CFAP70: variants seen among roughly 807,000 people sequenced by gnomAD.
The protein encoded by CFAP70 is cilia and flagella associated protein 70, also known as cilia- and flagella-associated protein 70.
Under a neutral mutation model 137.6 loss-of-function variants are expected in CFAP70, and 81 were observed. The ratio of observed to expected loss-of-function variants is 0.59; its 90% confidence interval spans 0.49 to 0.71. The LOEUF (loss-of-function observed/expected upper bound fraction) is 0.71, where lower values mean the gene tolerates loss of function less well. CFAP70 is among the 30% of genes least tolerant of loss of function. The pLI, the probability that CFAP70 is intolerant of heterozygous loss-of-function variation, is 0.00. For synonymous variants in CFAP70, 382 were observed against 423.6 expected (o/e 0.90, Z 1.20); for missense variants, 976 against 1,226.7 (o/e 0.80, Z 3.05).
intron 19 of CFAP70, among the ~76,000 whole-genome samples, chr10:73,285,889 C>A (rs1443289332): frequency 6.6e-6 from 1 of 152,054 alleles, no homozygotes; most frequent in African/African-American, 2.4e-5. Flanking sequence ...CCCATCTCAG[C>A]CTCCGAAAGT....
chr10:73,352,935 T>C (rs528304422), intron 3 of CFAP70, among the ~76,000 whole-genome samples: 40 of 152,336 alleles, frequency 2.6e-4, no homozygotes, highest in African/African-American at 9.1e-4. Flanking sequence ...GCTTTTTGGC[T>C]TTTTGTTATT....
At chr10:73,253,765 T>G, downstream of CFAP70, 1 of 468,696 alleles carries the variant, frequency 2.1e-6, no homozygotes, top group East Asian at 3.1e-5. Flanking sequence ...TGATGAATTT[T>G]GAGTTTCATA....
intron 19 of CFAP70, among the ~76,000 whole-genome samples, chr10:73,283,767 G>A (rs2047440152): frequency 6.6e-6 from 1 of 152,076 alleles, no homozygotes; most frequent in African/African-American, 2.4e-5. Flanking sequence ...ATGTTGTCCA[G>A]AGTGGTCTCA....
Position 73,290,044 on chromosome 10 carries a change from C to CAAAAAAAAAAAAAAAA in CFAP70, c.2239+1166_2239+1181dup, listed in dbSNP as rs397847750. 2.0e-3 allele frequency among the ~76,000 whole-genome samples: 141 copies of CAAAAAAAAAAAAAAAA among 72,042 alleles called. 1 individual carries two copies. Among genetic ancestry groups the CAAAAAAAAAAAAAAAA allele is most frequent in the East Asian group, 5.9e-3 (12 of 2,028 alleles). 47.3% of individuals were successfully genotyped at this position (72,042 alleles called of 152,430 possible). The stretch of plus-strand genomic sequence containing the variant: ...TGGGTGACAGAGCAAGACTCCATCT[C>CAAAAAAAAAAAAAAAA]AAAAAAAAAAAAAAAAGACTTGTAG... On this transcript the variant is annotated intron_variant, in intron 19 of 26. Coordinates refer to ENST00000310715, the Ensembl canonical transcript of CFAP70.
rs1402987183 is a variant in CFAP70, at chr10:73,254,064, A to G, written c.3076-9T>C. The G allele has an allele frequency of 6.3e-7, 1 of 1,586,598 alleles. No individual in the cohort carries two copies. Among genetic ancestry groups the G allele is most frequent in the South Asian group, 1.1e-5 (1 of 88,614 alleles). Reference sequence around the variant, plus strand: ...TCATCTTTCAATTTCAGCTACATGAAAGAGGAAGAAAGGGAAAGATATATG... The same window carrying G: ...TCATCTTTCAATTTCAGCTACATGAGAGAGGAAGAAAGGGAAAGATATATG... On this transcript the variant is annotated splice_polypyrimidine_tract_variant and intron_variant, in intron 26 of 26. Coordinates refer to ENST00000310715, the Ensembl canonical transcript of CFAP70.
intron 12 of CFAP70, among the ~76,000 whole-genome samples, chr10:73,300,868 T>C (rs2048896410): frequency 6.6e-6 from 1 of 151,896 alleles, no homozygotes; most frequent in Non-Finnish European, 1.5e-5. Flanking sequence ...TCCCAAAAAA[T>C]AAAAAAATAA....
At chr10:73,323,155 G>C (rs1471928903) in intron 8 of CFAP70, 58 bp from the exon 10 acceptor site, 20 of 1,469,046 alleles carry the variant, frequency 1.4e-5, no homozygotes, top group Non-Finnish European at 1.6e-5. Flanking sequence ...ATAAGGTATG[G>C]AGCTCTGACT....
At chr10:73,264,456 T>C (rs1385632634) in intron 25 of CFAP70, among the ~76,000 whole-genome samples, 3 of 152,228 alleles carry the variant, frequency 2.0e-5, no homozygotes, top group South Asian at 4.1e-4. Flanking sequence ...TGAGCTCTTA[T>C]CAGTATCTCC....
At chr10:73,277,297 T>C in exon 21 of CFAP70, 4 of 1,614,112 alleles carry the variant, frequency 2.5e-6, no homozygotes, top group Non-Finnish European at 8.5e-7. Flanking sequence ...TGGTGGTAGT[T>C]TGAGAAACAC....
At chr10:73,305,196 C>T (rs1342391388) in intron 12 of CFAP70, among the ~76,000 whole-genome samples, 3 of 152,152 alleles carry the variant, frequency 2.0e-5, no homozygotes, top group East Asian at 3.9e-4. Context: ...TTTCTCCTAA[C>T]TCAGTGCGGA....
chr10:73,275,383 G>T lies in CFAP70; in HGVS notation c.2673+63C>A. The stretch of plus-strand genomic sequence containing the variant: ...TCACCAGAAATCTACGTGTGATATG[G>T]CATCACCACCTTTAAATAAAGCCCC... On this transcript the variant is annotated intron_variant, in intron 22 of 26. Transcript: ENST00000310715. The surrounding 1 kb of genome is among the most constrained non-coding windows in gnomAD (Gnocchi z 4.0). 1 of 1,504,584 alleles carries T rather than the reference G, an allele frequency of 6.6e-7. No individual in the cohort carries two copies. Among genetic ancestry groups the T allele is most frequent in the Non-Finnish European group, 8.9e-7 (1 of 1,123,820 alleles). 93.2% of individuals were successfully genotyped at this position (1,504,584 alleles called of 1,614,324 possible).
At chr10:73,362,046 T>C (rs574676129), upstream of CFAP70, among the ~76,000 whole-genome samples, 31 of 152,328 alleles carry the variant, frequency 2.0e-4, no homozygotes, top group African/African-American at 6.3e-4. Flanking sequence ...GATAGCCATA[T>C]AGATCAAAAT....
intron 25 of CFAP70, among the ~76,000 whole-genome samples, chr10:73,258,423 A>G (rs1487996843): frequency 2.0e-5 from 3 of 152,222 alleles, no homozygotes; most frequent in Non-Finnish European, 4.4e-5. Flanking sequence ...TCTTTACTTT[A>G]ATCTCTTAAT....
intron 12 of CFAP70, among the ~76,000 whole-genome samples, chr10:73,301,176 T>G (rs11000591): frequency 3.4e-4 from 52 of 152,080 alleles, no homozygotes; most frequent in African/African-American, 1.2e-3. Context: ...CTGAGGGAAG[T>G]GAGGAAGCAA....
chr10:73,354,379 T>A (rs575116857), intron 2 of CFAP70, among the ~76,000 whole-genome samples: 1 of 152,322 alleles, frequency 6.6e-6, no homozygotes, highest in East Asian at 1.9e-4. Context: ...TTTTAGTACA[T>A]CACATTGTTG....
intron 19 of CFAP70, among the ~76,000 whole-genome samples, chr10:73,279,410 G>A (rs984747766): frequency 2.6e-5 from 4 of 151,704 alleles, no homozygotes; most frequent in Non-Finnish European, 4.4e-5. Flanking sequence ...TGTAGTCCCA[G>A]CTACTCGGGA....
chr10:73,276,436 CACCTGCCTTCTGGGTCTCTG>C (rs1329214925), intron 21 of CFAP70: 5 of 152,058 alleles, frequency 3.3e-5, no homozygotes, highest in Admixed American at 2.6e-4. Flanking sequence ...CTATTTTTTC[CACCTGCCTTCTGGGTCTCTG>C]ACCTGGGGGA....
chr10:73,339,559 T>C (rs2053049588), intron 6 of CFAP70, among the ~76,000 whole-genome samples: 1 of 152,194 alleles, frequency 6.6e-6, no homozygotes, highest in Admixed American at 6.5e-5. Flanking sequence ...ACTACTGGCC[T>C]GGATCCCACG....
At chr10:73,281,292 C>G (rs1229189544) in intron 19 of CFAP70, among the ~76,000 whole-genome samples, 2 of 151,908 alleles carry the variant, frequency 1.3e-5, no homozygotes, top group East Asian at 3.9e-4. Context: ...TCACGTGATC[C>G]TCCCACGTGA....
Sources: allele counts gnomAD v4.1 joint callset (sites outside exome capture counted in the v4.1 genomes callset), GRCh38; gene constraint gnomAD v4.1.1; non-coding constraint Gnocchi (gnomAD v3.1); transcripts MANE v1.5; gene names NCBI Gene and HGNC (gene_info 2026-07-23, HGNC 2026-07-21).